The following EDC3 variants were observed in gnomAD, a reference collection of about 807,000 sequenced individuals.
EDC3 encodes enhancer of mRNA decapping 3.
A neutral mutation model predicts 41.8 loss-of-function variants in EDC3; 20 were observed. The ratio of observed to expected loss-of-function variants is 0.48; its 90% confidence interval spans 0.34 to 0.70. The LOEUF (loss-of-function observed/expected upper bound fraction) is 0.70. Ranked by LOEUF, EDC3 falls within the 30% of genes least tolerant of loss-of-function variation. EDC3 has a pLI of 0.01. For missense variants in EDC3, 444 were observed against 636.8 expected (o/e 0.70, Z 3.26); for synonymous variants, 206 against 243.2 (o/e 0.85, Z 1.42).
At chr15:74,654,031 T>C (rs2062513465) in intron 4 of EDC3, among the ~76,000 whole-genome samples, 1 of 151,916 alleles carries the variant, frequency 6.6e-6, no homozygotes, top group African/African-American at 2.4e-5. Context: ...AGCAGGTGGA[T>C]CACGAGGTCA....
At position 74,631,739 on chromosome 15, in the gene EDC3, T is replaced by G. The variant is rs983517475; in HGVS notation, c.*873A>C. The G allele has an allele frequency of 1.3e-5, 2 of 152,824 alleles. No homozygotes were observed. The highest frequency in any genetic ancestry group is 2.9e-5 in the Non-Finnish European group (2 of 68,330). The allele number at this position is 152,824 out of a possible 1,614,324, so 9.5% of individuals were successfully genotyped here. On this transcript the variant is annotated 3_prime_UTR_variant, in exon 7 of 7. Transcript: ENST00000315127. ...CCTAGGACAGAAGCACCAGGAAGCC[T>G]CTTCTGGTTCAGCACCAGGCTCCCC...
chr15:74,639,632 T>A (rs1426878529), intron 5 of EDC3: 1 of 151,154 alleles, frequency 6.6e-6, no homozygotes, highest in Non-Finnish European at 1.5e-5. Context: ...GGAGAATTGC[T>A]CAAGCTCAGG....
intron 5 of EDC3, 126 bp downstream of exon 5, chr15:74,640,340 A>G: frequency 9.2e-7 from 1 of 1,085,756 alleles, no homozygotes; most frequent in Non-Finnish European, 1.3e-6. Flanking sequence ...CTTCAGAGAG[A>G]CACTCCCATC....
Position 74,655,815 on chromosome 15 carries a change from A to ATCT in EDC3, c.737_738insAGA (p.His246delinsGlnAsp). On this transcript the variant is annotated protein_altering_variant, in exon 4 of 7. Coordinates refer to ENST00000315127, the MANE Select transcript of EDC3 (RefSeq NM_025083.5). Reference sequence around the variant, plus strand: ...GCTCGGACTCCAAGATGTTCTCATCATGGCGGTACCGAGTGGGCCTTTCAT... The same window carrying ATCT: ...GCTCGGACTCCAAGATGTTCTCATCATCTTGGCGGTACCGAGTGGGCCTTTCAT... The ATCT allele has an allele frequency of 6.2e-7, 1 of 1,614,176 alleles. No homozygotes were observed. Among genetic ancestry groups the ATCT allele is most frequent in the Non-Finnish European group, 8.5e-7 (1 of 1,180,042 alleles).
chr15:74,686,047 C>T (rs536154761), intron 1 of EDC3, among the ~76,000 whole-genome samples: 3 of 151,942 alleles, frequency 2.0e-5, no homozygotes, highest in Non-Finnish European at 4.4e-5. Context: ...ACAAAATTGG[C>T]CGGGCGCAGT....
intron 6 of EDC3, 138 bp from the exon 7 acceptor site, chr15:74,633,084 T>A: frequency 2.1e-6 from 2 of 952,740 alleles, no homozygotes; most frequent in Non-Finnish European, 3.1e-6. Flanking sequence ...CTGGCCTTCT[T>A]AAAGCTGGGC....
At chr15:74,649,281 C>T (rs972089966) in intron 4 of EDC3, among the ~76,000 whole-genome samples, 10 of 151,568 alleles carry the variant, frequency 6.6e-5, no homozygotes, top group Admixed American at 6.6e-4. Flanking sequence ...GTGTTAGCAC[C>T]CTGGCTAATT....
intron 4 of EDC3, among the ~76,000 whole-genome samples, chr15:74,654,348 G>C (rs2062518252): frequency 6.6e-6 from 1 of 152,076 alleles, no homozygotes; most frequent in Non-Finnish European, 1.5e-5. Flanking sequence ...TTGGACTACA[G>C]ATATAGAGAG....
chr15:74,642,034 T>G (rs2062358760), intron 4 of EDC3: 1 of 152,236 alleles, frequency 6.6e-6, no homozygotes, highest in Non-Finnish European at 1.5e-5. Context: ...GGGAGAAATC[T>G]CTTGAGGTTA....
At chr15:74,684,790 AAAC>A (rs148807747) in intron 1 of EDC3, among the ~76,000 whole-genome samples, 1,681 of 152,270 alleles carry the variant, frequency 0.011, 24 homozygotes, top group African/African-American at 0.038. Context: ...GATGTAGAAA[AAAC>A]AACAACAGCA....
In EDC3 at chr15:74,664,504, TA is replaced by T. The variant is rs151179484; in HGVS notation, c.484+6950del. On this transcript the variant is annotated intron_variant, in intron 3 of 6. Coordinates refer to ENST00000315127, the MANE Select transcript of EDC3 (RefSeq NM_025083.5). ...AACTTGTAACAAACCCATTGTTGTG[TA>T]ACCCTCAGTGCCACTTATTTATTGG... Among the ~76,000 whole-genome samples, 100 of 152,406 alleles carry T rather than the reference TA, an allele frequency of 6.6e-4. 2 individuals carry two copies. The East Asian group carries it at 0.015, about 22-fold the overall frequency.
rs141323268 is a variant in EDC3, at chr15:74,682,136, T to A, written c.-18-6994A>T. On this transcript the variant is annotated intron_variant, in intron 1 of 6. Transcript: ENST00000315127. The stretch of plus-strand genomic sequence containing the variant: ...AATAGTACAGCTACTCTGGAAAACA[T>A]CCTGGCAGGTTATTAAAAAAACTAA... 2.0e-5 allele frequency among the ~76,000 whole-genome samples: 3 copies of A among 152,206 alleles called. No homozygotes were observed. In the East Asian group the frequency reaches 5.8e-4, roughly 29 times the overall value.
At chr15:74,641,528 CA>C (rs2062351610) in intron 4 of EDC3, 1 of 152,986 alleles carries the variant, frequency 6.5e-6, no homozygotes, top group South Asian at 2.1e-4. Flanking sequence ...CTTACCTTGA[CA>C]ACCAAGGTAT....
intron 4 of EDC3, chr15:74,644,724 G>C (rs942807391): frequency 1.8e-4 from 27 of 151,674 alleles, no homozygotes; most frequent in Non-Finnish European, 3.1e-4. Flanking sequence ...AACTAGACCA[G>C]CCCCATGTCC....
At chr15:74,656,213 C>T (rs2062546609) in intron 3 of EDC3, 145 bp from the exon 4 acceptor site, 2 of 759,138 alleles carry the variant, frequency 2.6e-6, no homozygotes, top group East Asian at 5.3e-5. Flanking sequence ...TATTAAGTAG[C>T]ACAAACAACA....
rs1128628 is a variant in EDC3, at chr15:74,630,994, G to C, written c.*1618C>G. ...AGACTGCTCCTCAGATTTTGGCCAA[G>C]AGAGGGCCCCGGCTTGGGAGCTGCT... On this transcript the variant is annotated 3_prime_UTR_variant, in exon 7 of 7. Coordinates refer to ENST00000315127, the MANE Select transcript of EDC3 (RefSeq NM_025083.5). The C allele has an allele frequency of 0.15, 22,673 of 152,264 alleles. 2,519 individuals are homozygous for C. Among genetic ancestry groups the C allele is most frequent in the East Asian group, 0.42 (2,150 of 5,168 alleles). 9.4% of individuals were successfully genotyped at this position (152,264 alleles called of 1,614,324 possible).
chr15:74,655,331 A>G lies in EDC3; in HGVS notation c.820+402T>C, dbSNP rs188588512. Among the ~76,000 whole-genome samples, 33 of 152,358 alleles carry G rather than the reference A, an allele frequency of 2.2e-4. No individual in the cohort carries two copies. In the East Asian group the frequency reaches 6.4e-3, roughly 29 times the overall value. The stretch of plus-strand genomic sequence containing the variant: ...CCAATGATTCCAATCATCCATCTTC[A>G]ACTGTTTTTTTGCAACAACAAATAA... On this transcript the variant is annotated intron_variant, in intron 4 of 6. Coordinates refer to ENST00000315127, the MANE Select transcript of EDC3 (RefSeq NM_025083.5).
intron 3 of EDC3, among the ~76,000 whole-genome samples, chr15:74,660,715 T>A (rs1458119920): frequency 6.6e-6 from 1 of 152,146 alleles, no homozygotes; most frequent in African/African-American, 2.4e-5. Flanking sequence ...TCAGTGGGTA[T>A]GTGTTTCCCC....
chr15:74,640,903 T>C (rs2062343393), intron 4 of EDC3: 2 of 423,700 alleles, frequency 4.7e-6, no homozygotes, highest in South Asian at 2.4e-5. Flanking sequence ...TCTACCAGGA[T>C]ATATTTAGTG....
Sources: allele counts gnomAD v4.1 joint callset (sites outside exome capture counted in the v4.1 genomes callset), GRCh38; gene constraint gnomAD v4.1.1; transcripts MANE v1.5; gene names NCBI Gene and HGNC (gene_info 2026-07-23, HGNC 2026-07-21).